The following AP3B1 variants were observed in gnomAD, a reference collection of about 807,000 sequenced individuals.
The protein encoded by AP3B1 is AP-3 complex subunit beta-1.
AP3B1 carries 61 observed loss-of-function variants against 132.5 expected under a neutral mutation model. The ratio of observed to expected loss-of-function variants is 0.46; its 90% confidence interval spans 0.37 to 0.57. AP3B1 has a LOEUF of 0.57. Among genes scored for constraint, AP3B1 ranks in the 20% least tolerant of loss-of-function variants. The pLI is 0.00. For synonymous variants in AP3B1, 388 were observed against 438.3 expected (o/e 0.89, Z 1.43); for missense variants, 1,120 against 1,289.4 (o/e 0.87, Z 2.01).
chr5:78,226,977 CAT>C (rs1048547796), intron 5 of AP3B1, among the ~76,000 whole-genome samples: 6 of 151,954 alleles, frequency 3.9e-5, no homozygotes, highest in Non-Finnish European at 7.4e-5. Flanking sequence ...AAGGAAAACA[CAT>C]ATAAGTGAGT....
At chr5:78,181,436 TA>T (rs1401251577) in intron 8 of AP3B1, 70 bp downstream of exon 8, 1 of 1,435,672 alleles carries the variant, frequency 7.0e-7, no homozygotes, top group African/African-American at 1.4e-5. Context: ...ACTCACTTAC[TA>T]AATTGAGATA....
chr5:78,040,469 C>T (rs145731069), intron 22 of AP3B1, among the ~76,000 whole-genome samples: 216 of 152,146 alleles, frequency 1.4e-3, no homozygotes, highest in East Asian at 6.9e-3. Context: ...TTTCCCCCTC[C>T]GAATATTTTC....
At chr5:78,139,349 T>C (rs1753051192) in intron 15 of AP3B1, among the ~76,000 whole-genome samples, 1 of 152,162 alleles carries the variant, frequency 6.6e-6, no homozygotes, top group South Asian at 2.1e-4. Flanking sequence ...GTGAACACCA[T>C]GGAGTTTCAG....
chr5:78,021,195 A>G (rs1210941005), intron 24 of AP3B1, among the ~76,000 whole-genome samples: 6 of 152,206 alleles, frequency 3.9e-5, no homozygotes, highest in South Asian at 4.1e-4. Flanking sequence ...AACAGTTAAG[A>G]TATCTTTTTA....
At chr5:78,015,696 AAAAC>A (rs1746829473) in intron 25 of AP3B1, 148 bp from the exon 26 acceptor site, 1 of 753,138 alleles carries the variant, frequency 1.3e-6, no homozygotes. Flanking sequence ...TTATAAAACT[AAAAC>A]AAAATGCAAT....
At chr5:78,079,342 C>A (rs114843561) in intron 22 of AP3B1, among the ~76,000 whole-genome samples, 1 of 151,890 alleles carries the variant, frequency 6.6e-6, no homozygotes, top group Non-Finnish European at 1.5e-5. Flanking sequence ...AGAAATAAAA[C>A]CCTCATTAAT....
chr5:78,121,897 A>G (rs1355283284), intron 17 of AP3B1: 1 of 152,346 alleles, frequency 6.6e-6, no homozygotes, highest in Admixed American at 6.5e-5. Context: ...AAACCAAAAA[A>G]GAGAATTTTA....
rs575012398 is a variant in AP3B1 at position 78,042,968 on chromosome 5, C to A, written c.2578-3694G>T. The A allele has an allele frequency of 5.3e-5, 10 of 187,006 alleles. No homozygotes were observed. In the South Asian group the frequency reaches 1.3e-3, roughly 24 times the overall value. 11.6% of individuals were successfully genotyped at this position (187,006 alleles called of 1,614,324 possible). A position where few individuals can be genotyped will look rare whatever the true frequency, so the allele number is the denominator to read the frequency against. On this transcript the variant is annotated intron_variant, in intron 22 of 26. Coordinates refer to ENST00000255194, the MANE Select transcript of AP3B1 (RefSeq NM_003664.5). Reference sequence around the variant, plus strand: ...TATACTCCTCCTGGGTGAATGTCATCAGAGTTTCTGATCCAAATGTTCTTG... The same window carrying A: ...TATACTCCTCCTGGGTGAATGTCATAAGAGTTTCTGATCCAAATGTTCTTG...
intron 26 of AP3B1, among the ~76,000 whole-genome samples, chr5:78,010,591 C>A (rs993047948): frequency 6.6e-6 from 1 of 152,268 alleles, no homozygotes; most frequent in South Asian, 2.1e-4. Context: ...TCAGTTTCCA[C>A]GACATTGAAC....
chr5:78,165,845 G>T (rs891648167), intron 11 of AP3B1, among the ~76,000 whole-genome samples, 173 bp from the exon 12 acceptor site: 4 of 152,178 alleles, frequency 2.6e-5, no homozygotes, highest in African/African-American at 9.7e-5. Context: ...GAGGCGGGCG[G>T]ATCACCTGAG....
At chr5:78,194,659 A>T (rs1443554649) in intron 7 of AP3B1, among the ~76,000 whole-genome samples, 1 of 152,234 alleles carries the variant, frequency 6.6e-6, no homozygotes, top group South Asian at 2.1e-4. Context: ...CAGTTAAAAC[A>T]ACTAATAAAT....
At chr5:78,160,827 A>G (rs1214385777) in intron 13 of AP3B1, among the ~76,000 whole-genome samples, 1 of 152,014 alleles carries the variant, frequency 6.6e-6, no homozygotes, top group African/African-American at 2.4e-5. Flanking sequence ...TTTGATATAA[A>G]TATTCTCCTT....
At chr5:78,241,389 C>T (rs1433973582) in intron 2 of AP3B1, among the ~76,000 whole-genome samples, 1 of 151,936 alleles carries the variant, frequency 6.6e-6, no homozygotes, top group African/African-American at 2.4e-5. Flanking sequence ...GACAGGGTAC[C>T]ACTATGTTGC....
rs954527230 is a variant in AP3B1, at chr5:78,003,972, A to T, written c.3132-917T>A. Among the ~76,000 whole-genome samples, 4 of 152,202 alleles carry T rather than the reference A, an allele frequency of 2.6e-5. 1 individual carries two copies. Among genetic ancestry groups the T allele is most frequent in the Admixed American group, 2.6e-4 (4 of 15,280 alleles). ...CCCTTTTCCACATGAAGCATGTTCC[A>T]CACACTTTTTGGGGGAGGGGGTTTG... On this transcript the variant is annotated intron_variant, in intron 26 of 26. Coordinates refer to ENST00000255194, the MANE Select transcript of AP3B1 (RefSeq NM_003664.5).
chr5:78,290,183 T>C (rs1474042647), intron 1 of AP3B1, among the ~76,000 whole-genome samples: 16 of 152,238 alleles, frequency 1.1e-4, no homozygotes, highest in Admixed American at 1.0e-3. Flanking sequence ...AAGGAAGCAC[T>C]ACTACAAATG....
intron 20 of AP3B1, among the ~76,000 whole-genome samples, chr5:78,107,103 TGTACTAA>T (rs990971047): frequency 6.6e-6 from 1 of 152,228 alleles, no homozygotes; most frequent in Non-Finnish European, 1.5e-5. Flanking sequence ...AAGACTAATG[TGTACTAA>T]GTACTAATTT....
intron 23 of AP3B1, among the ~76,000 whole-genome samples, chr5:78,035,590 G>A (rs1747777047): frequency 6.6e-6 from 1 of 151,990 alleles, no homozygotes; most frequent in Admixed American, 6.6e-5. Context: ...GCTCAATGAG[G>A]AGTAAGCATT....
At chr5:78,127,723 T>C (rs552203715) in intron 17 of AP3B1, among the ~76,000 whole-genome samples, 1 of 152,150 alleles carries the variant, frequency 6.6e-6, no homozygotes, top group East Asian at 1.9e-4. Context: ...CTTCATCCAA[T>C]GAAACTAAAT....
intron 22 of AP3B1, among the ~76,000 whole-genome samples, chr5:78,080,014 ATTTAT>A (rs1374294288): frequency 6.6e-6 from 1 of 151,734 alleles, no homozygotes; most frequent in African/African-American, 2.4e-5. Context: ...TAATTTTCCT[ATTTAT>A]TTATTTATTT....
Sources: allele counts gnomAD v4.1 joint callset (sites outside exome capture counted in the v4.1 genomes callset), GRCh38; gene constraint gnomAD v4.1.1; transcripts MANE v1.5; gene names NCBI Gene and HGNC (gene_info 2026-07-23, HGNC 2026-07-21).